Variants in HSPA12B observed in about 807,000 individuals in gnomAD.
HSPA12B encodes the protein heat shock protein family A (Hsp70) member 12B.
Under a neutral mutation model 69.3 loss-of-function variants are expected in HSPA12B, and 54 were observed. That is an observed-to-expected ratio of 0.78 (90% CI 0.63 to 0.98). The LOEUF (loss-of-function observed/expected upper bound fraction) is 0.98. Among genes scored for constraint, HSPA12B ranks in the 50% least tolerant of loss-of-function variants. HSPA12B has a pLI of 0.00. For missense variants in HSPA12B, 929 were observed against 999.8 expected, an observed-to-expected ratio of 0.93 and a Z score of 0.96; for synonymous variants, 441 against 436.5, an observed-to-expected ratio of 1.01 and a Z score of -0.13.
rs1568476388 is a variant in HSPA12B at position 3,745,679 on chromosome 20, C to T, written c.558+82C>T. ...TCCGAAACCGCTCCCCCATCCCGTC[C>T]CCGACATTGGATGGGTAGCCACCGC... On this transcript the variant is annotated intron_variant, in intron 6 of 12. Coordinates refer to ENST00000254963, the MANE Select transcript of HSPA12B (RefSeq NM_052970.5). This position sits in a 1 kb window ranked among gnomAD's most constrained non-coding sequence, Gnocchi z 5.6. The T allele has an allele frequency of 3.7e-5, 47 of 1,276,032 alleles. No individual in the cohort carries two copies. Among genetic ancestry groups the T allele is most frequent in the Non-Finnish European group, 5.1e-5 (45 of 886,170 alleles). 79.0% of individuals were successfully genotyped at this position (1,276,032 alleles called of 1,614,324 possible). A position where few individuals can be genotyped will look rare whatever the true frequency, so the allele number is the denominator to read the frequency against.
rs749940677 is a variant in HSPA12B at position 3,751,927 on chromosome 20, C to T, written c.1822C>T (p.Leu608=). The T allele has an allele frequency of 1.9e-6, 3 of 1,587,578 alleles. No individual in the cohort carries two copies. Among genetic ancestry groups the T allele is most frequent in the South Asian group, 1.1e-5 (1 of 88,882 alleles). Residue 608 remains leucine, a synonymous_variant, in exon 13 of 13, where the codon CTG becomes TTG. Transcript: ENST00000254963. ...RPGQRRVLIN[L]YCCAAEDARF... Reference sequence around the variant, plus strand: ...CGGCCAGCGGCGCGTACTCATCAACCTGTACTGCTGCGCGGCAGAGGATGC... The same window carrying T: ...CGGCCAGCGGCGCGTACTCATCAACTTGTACTGCTGCGCGGCAGAGGATGC...
At chr20:3,743,778 C>T (rs1362938238) in intron 4 of HSPA12B, among the ~76,000 whole-genome samples, 1 of 152,028 alleles carries the variant, frequency 6.6e-6, no homozygotes. Context: ...CAGTAATATC[C>T]TTCTTTGAAA....
chr20:3,751,307 G>T (rs1015322311), intron 12 of HSPA12B: 14 of 985,316 alleles, frequency 1.4e-5, no homozygotes, highest in African/African-American at 1.7e-5. Context: ...AGTGGGGAGC[G>T]TGAGTGTTGG....
In HSPA12B at chr20:3,751,905, C is replaced by T. The variant is rs752920536; in HGVS notation, c.1800C>T (p.Gly600=). Reference sequence around the variant, plus strand: ...GCAGCTACTGCCCGGCGCGTCCCGGCCAGCGGCGCGTACTCATCAACCTGT... The same window carrying T: ...GCAGCTACTGCCCGGCGCGTCCCGGTCAGCGGCGCGTACTCATCAACCTGT... ...VRRSYCPARP[G]QRRVLINLYC... Residue 600 remains glycine, a synonymous_variant, in exon 13 of 13, where the codon GGC becomes GGT. Coordinates refer to ENST00000254963, the MANE Select transcript of HSPA12B (RefSeq NM_052970.5). 1.1e-5 allele frequency: 17 copies of T among 1,574,630 alleles called. No individual in the cohort carries two copies. Among genetic ancestry groups the T allele is most frequent in the Non-Finnish European group, 1.4e-5 (16 of 1,165,962 alleles).
chr20:3,746,549 G>A (rs1053520411), intron 7 of HSPA12B, among the ~76,000 whole-genome samples: 16 of 152,128 alleles, frequency 1.1e-4, no homozygotes, highest in East Asian at 1.9e-4. Flanking sequence ...TGATCCGCCC[G>A]CCTCGGCCTC....
rs1482498015 is a variant in HSPA12B at position 3,749,081 on chromosome 20, T to A, written c.851-151T>A. On this transcript the variant is annotated intron_variant, in intron 8 of 12. Transcript: ENST00000254963. The surrounding 1 kb of genome is among the most constrained non-coding windows in gnomAD (Gnocchi z 5.5). The stretch of plus-strand genomic sequence containing the variant: ...CAGGGTGGGAGTTTGGGGTTCAGGA[T>A]TGCCCTCTCCCAGTCAGGAGCAGGT... The A allele has an allele frequency of 3.1e-6, 2 of 639,502 alleles. No homozygotes were observed. Among genetic ancestry groups the A allele is most frequent in the Non-Finnish European group, 5.5e-6 (2 of 361,784 alleles). 39.6% of individuals were successfully genotyped at this position (639,502 alleles called of 1,614,324 possible). A position where few individuals can be genotyped will look rare whatever the true frequency, so the allele number is the denominator to read the frequency against.
intron 12 of HSPA12B, 193 bp from the exon 13 acceptor site, chr20:3,751,318 G>A (rs981459570): frequency 1.4e-5 from 14 of 985,338 alleles, no homozygotes; most frequent in Admixed American, 6.1e-5. Context: ...TGAGTGTTGG[G>A]GAGGCGAAGC....
chr20:3,737,591 G>A lies in HSPA12B; in HGVS notation c.-17-1067G>A, dbSNP rs995900805. Among the ~76,000 whole-genome samples the A allele has an allele frequency of 6.6e-6, 1 of 152,122 alleles. No homozygotes were observed. Among genetic ancestry groups the A allele is most frequent in the African/African-American group, 2.4e-5 (1 of 41,410 alleles). On this transcript the variant is annotated intron_variant, in intron 1 of 12. Coordinates refer to ENST00000254963, the MANE Select transcript of HSPA12B (RefSeq NM_052970.5). The surrounding 1 kb of genome is among the most constrained non-coding windows in gnomAD (Gnocchi z 4.1). ...AGGGATCTAGCTTTACCCATCTCTT[G>A]GTACAATCTTCATGAGACCATGAGG...
Position 3,751,552 on chromosome 20 carries a change from C to G in HSPA12B, c.1447C>G (p.Leu483Val). 3 of 1,491,650 alleles carry G rather than the reference C, an allele frequency of 2.0e-6. No individual in the cohort carries two copies. The highest frequency in any genetic ancestry group is 1.3e-5 in the South Asian group (1 of 75,080). The allele number at this position is 1,491,650 out of a possible 1,614,324, so 92.4% of individuals were successfully genotyped here. The change falls in exon 13 of 13, where the codon CTG becomes GTG. Residue 483 changes from leucine to valine, a missense_variant. Physicochemically the swap from Leu to Val is conservative, Grantham distance 32. This residue lies in a region of HSPA12B where 448 missense variants were observed against 448.1 expected (regional missense o/e 1.00). Coordinates refer to ENST00000254963, the MANE Select transcript of HSPA12B (RefSeq NM_052970.5). ...GCCGGAGGTGCAGGGTGTGAAGCTG[C>G]TGTTCCTAGTGGGCGGCTTCGCCGA... ...ARPEVQGVKL[L>V]FLVGGFAESA...
rs778183795 is a variant in HSPA12B, at chr20:3,751,755, C to T, written c.1650C>T (p.Arg550=). 2 of 1,524,658 alleles carry T rather than the reference C, an allele frequency of 1.3e-6. No homozygotes were observed. The highest frequency in any genetic ancestry group is 2.8e-5 in the African/African-American group (2 of 71,038). The allele number at this position is 1,524,658 out of a possible 1,614,324, so 94.4% of individuals were successfully genotyped here. Residue 550 remains arginine, a synonymous_variant, in exon 13 of 13, where the codon CGC becomes CGT. Transcript: ENST00000254963. ...CCTATGGCGTGGGCGTGCTCAACCG[C>T]TTTGTGCCTGGGCGCCACCCGCCCG... ...PLTYGVGVLN[R]FVPGRHPPEK...
At chr20:3,748,474 A>C in intron 8 of HSPA12B, 83 bp downstream of exon 8, 1 of 1,280,962 alleles carries the variant, frequency 7.8e-7, no homozygotes, top group Non-Finnish European at 1.0e-6. Context: ...TCTAGTATGA[A>C]GGGGAGAGGG....
chr20:3,749,203 C>G lies in HSPA12B; in HGVS notation c.851-29C>G, dbSNP rs375801149. On this transcript the variant is annotated intron_variant, in intron 8 of 12. Transcript: ENST00000254963. The surrounding 1 kb of genome is among the most constrained non-coding windows in gnomAD (Gnocchi z 5.5). Reference sequence around the variant, plus strand: ...CATAGCTGGAGCACCTCCTTCTAATCTCACTCCCTGCTGTCTCCTGACCCC... The same window carrying G: ...CATAGCTGGAGCACCTCCTTCTAATGTCACTCCCTGCTGTCTCCTGACCCC... 3.2e-4 allele frequency: 509 copies of G among 1,599,346 alleles called. No homozygotes were observed. The African/African-American group carries it at 5.5e-3, about 17-fold the overall frequency.
chr20:3,743,099 T>G (rs187732230), intron 4 of HSPA12B, among the ~76,000 whole-genome samples: 78 of 151,006 alleles, frequency 5.2e-4, no homozygotes, highest in African/African-American at 1.6e-3. Flanking sequence ...TTAGCCAGGC[T>G]GGTCTCAAAT....
In HSPA12B at chr20:3,743,652, C is replaced by G. The variant is rs551076397; in HGVS notation, c.266+1244C>G. Among the ~76,000 whole-genome samples the G allele has an allele frequency of 1.2e-4, 18 of 152,358 alleles. No homozygotes were observed. In the South Asian group the frequency reaches 3.7e-3, roughly 32 times the overall value. Reference sequence around the variant, plus strand: ...TCAGCACATACGAAGCTACCACTTTCTTTGAACGGCCTAGTATTCCATAGT... The same window carrying G: ...TCAGCACATACGAAGCTACCACTTTGTTTGAACGGCCTAGTATTCCATAGT... On this transcript the variant is annotated intron_variant, in intron 4 of 12. Transcript: ENST00000254963.
chr20:3,750,765 C>T, intron 11 of HSPA12B, 39 bp from the exon 12 acceptor site: 1 of 1,613,162 alleles, frequency 6.2e-7, no homozygotes. Flanking sequence ...AGCAGCTGGG[C>T]CCTGACCGAT....
intron 1 of HSPA12B, among the ~76,000 whole-genome samples, chr20:3,733,828 C>T (rs1254434856): frequency 6.6e-6 from 1 of 152,144 alleles, no homozygotes; most frequent in Non-Finnish European, 1.5e-5. Flanking sequence ...GAGCAGCAGG[C>T]GGAAGAGGCA....
intron 4 of HSPA12B, among the ~76,000 whole-genome samples, chr20:3,743,366 AAT>A (rs966371549): frequency 1.5e-5 from 2 of 133,624 alleles, no homozygotes; most frequent in African/African-American, 3.0e-5. Flanking sequence ...AAAAAAAAAA[AAT>A]TTTTTTTTGG....
intron 7 of HSPA12B, among the ~76,000 whole-genome samples, chr20:3,746,581 C>T (rs954312498): frequency 2.6e-5 from 4 of 151,666 alleles, no homozygotes; most frequent in African/African-American, 4.8e-5. Context: ...GGATTACAGG[C>T]GTGAGCCACC....
chr20:3,740,148 A>ATG lies in HSPA12B; in HGVS notation c.44-656_44-655dup, dbSNP rs111788957. ...TGAAATGCTGGCTCAGGGTGTGTGT[A>ATG]TGTGTGTGTGTGGGGGGTGGGAATC... On this transcript the variant is annotated intron_variant, in intron 2 of 12. Coordinates refer to ENST00000254963, the MANE Select transcript of HSPA12B (RefSeq NM_052970.5). This position sits in a 1 kb window ranked among gnomAD's most constrained non-coding sequence, Gnocchi z 4.9. 6.3e-4 allele frequency among the ~76,000 whole-genome samples: 94 copies of ATG among 149,736 alleles called. No individual in the cohort carries two copies. The highest frequency in any genetic ancestry group is 2.3e-3 in the African/African-American group (91 of 39,498).
Sources: gnomAD v4.1 joint callset for allele counts (sites outside exome capture counted in the v4.1 genomes callset) on GRCh38, gnomAD v4.1.1 for gene constraint, gnomAD v4.1.1 regional missense constraint, Gnocchi (gnomAD v3.1) non-coding constraint, MANE v1.5 for transcripts, NCBI Gene and HGNC (gene_info 2026-07-23, HGNC 2026-07-21) for gene names.